Variants in CEP152 observed in about 807,000 individuals in gnomAD.
CEP152 encodes the protein centrosomal protein of 152 kDa.
In CEP152, 132 loss-of-function variants were observed where a neutral mutation model predicts 188.9. The ratio of observed to expected loss-of-function variants is 0.70; its 90% confidence interval spans 0.61 to 0.81. The LOEUF (loss-of-function observed/expected upper bound fraction) is 0.81. Among genes scored for constraint, CEP152 ranks in the 30% least tolerant of loss-of-function variants. CEP152 has a pLI of 0.00. For missense variants in CEP152, 1,914 were observed against 1,969.8 expected, an observed-to-expected ratio of 0.97 and a Z score of 0.54; for synonymous variants, 649 against 666.6, an observed-to-expected ratio of 0.97 and a Z score of 0.41.
intron 1 of CEP152, among the ~76,000 whole-genome samples, chr15:48,807,082 G>A (rs528581633): frequency 2.0e-5 from 3 of 152,074 alleles, no homozygotes; most frequent in African/African-American, 4.8e-5. Context: ...CACCCAACCC[G>A]TCCCTTTAAA....
intron 17 of CEP152, among the ~76,000 whole-genome samples, chr15:48,766,062 C>A (rs1213895498): frequency 6.6e-6 from 1 of 152,112 alleles, no homozygotes. Flanking sequence ...GATCCTTTCT[C>A]ACTTTTATAC....
chr15:48,762,670 G>A lies in CEP152; in HGVS notation c.2283C>T (p.Ile761=), dbSNP rs749958846. The A allele has an allele frequency of 6.2e-7, 1 of 1,613,024 alleles. No homozygotes were observed. The highest frequency in any genetic ancestry group is 8.5e-7 in the Non-Finnish European group (1 of 1,179,830). Reference sequence around the variant, plus strand: ...CAAGCTGTTGAATGAGTTTTTCTTTGATCTGTTTTCAGAAGAAAAATCATA... The same window carrying A: ...CAAGCTGTTGAATGAGTTTTTCTTTAATCTGTTTTCAGAAGAAAAATCATA... ...TEKEQQTQEK[I]KEKLIQQLEK... The change falls in exon 18 of 27, where the codon ATC becomes ATT. Residue 761 remains isoleucine (I), a splice_region_variant and synonymous_variant. Transcript: ENST00000380950.
chr15:48,758,735 A>AAAAAAAAAC (rs1894460330), intron 19 of CEP152, among the ~76,000 whole-genome samples: 1 of 151,168 alleles, frequency 6.6e-6, no homozygotes, highest in African/African-American at 2.4e-5. Flanking sequence ...AAAAAAAAAA[A>AAAAAAAAAC]AAGGCAAATT....
rs1250394470 is a variant in CEP152, at chr15:48,756,045, T to G, written c.3203A>C (p.Lys1068Thr). The G allele has an allele frequency of 6.2e-7, 1 of 1,614,124 alleles. No individual in the cohort carries two copies. The highest frequency in any genetic ancestry group is 1.7e-5 in the Admixed American group (1 of 60,012). The change falls in exon 20 of 27, where the codon AAG (lysine) becomes ACG (threonine). Residue 1068 changes from lysine to threonine, a missense_variant. Coordinates refer to ENST00000380950, the MANE Select transcript of CEP152 (RefSeq NM_001194998.2). ...QKEHISDSEDKQLLEIMSTCS... is the reference protein window; with the variant it reads ...QKEHISDSEDTQLLEIMSTCS... The stretch of plus-strand genomic sequence containing the variant: ...AGTCGACATGATTTCCAAAAGCTGC[T>G]TGTCCTCAGAATCACTGATGTGCTC...
At position 48,738,366 on chromosome 15, in the gene CEP152, T is replaced by G; in HGVS notation, c.5016A>C (p.Lys1672Asn). Residue 1672 changes from lysine to asparagine, a missense_variant, in exon 27 of 27, where the codon AAA becomes AAC. Physicochemically the swap from Lys to Asn is moderately conservative, Grantham distance 94 (BLOSUM62 0). Transcript: ENST00000380950. The stretch of plus-strand genomic sequence containing the variant: ...AAGATGGTAATGTACTGCTCAGTTT[T>G]TTGAAATCTGACTTTAATCTATCAG... ...HKADRLKSDF[K>N]KLSSTLPSSV... is the part of the protein sequence containing the mutation. The G allele has an allele frequency of 1.2e-6, 2 of 1,614,202 alleles. No homozygotes were observed. The highest frequency in any genetic ancestry group is 1.7e-6 in the Non-Finnish European group (2 of 1,180,016).
In CEP152 at chr15:48,744,937, ATTC is replaced by A. The variant is rs774512101; in HGVS notation, c.3687_3689del (p.Lys1229del). The A allele has an allele frequency of 1.2e-6, 2 of 1,611,046 alleles. No homozygotes were observed. Among genetic ancestry groups the A allele is most frequent in the East Asian group, 4.5e-5 (2 of 44,682 alleles). Reference sequence around the variant, plus strand: ...AAAGTGTTTGCAATTCTTCCAATTTATTCTTCATGTCGTTGTTTTCTTCTATTA... The same window carrying A: ...AAAGTGTTTGCAATTCTTCCAATTTATTCATGTCGTTGTTTTCTTCTATTA... On this transcript the variant is annotated inframe_deletion, in exon 23 of 27. Transcript: ENST00000380950.
At chr15:48,777,767 T>G (rs1165469874) in intron 12 of CEP152, among the ~76,000 whole-genome samples, 1 of 152,186 alleles carries the variant, frequency 6.6e-6, no homozygotes, top group South Asian at 2.1e-4. Flanking sequence ...TTAAGCAGAA[T>G]GATTATTTTG....
At chr15:48,783,728 A>T (rs1896424775) in intron 10 of CEP152, among the ~76,000 whole-genome samples, 1 of 149,514 alleles carries the variant, frequency 6.7e-6, no homozygotes, top group Admixed American at 6.7e-5. Flanking sequence ...AAATTATTTA[A>T]TAAAAACAAA....
intron 21 of CEP152, 83 bp downstream of exon 21, chr15:48,752,266 T>G: frequency 6.2e-7 from 1 of 1,609,950 alleles, no homozygotes; most frequent in African/African-American, 1.3e-5. Flanking sequence ...TTCACATCTA[T>G]GATCTCCTTT....
intron 22 of CEP152, among the ~76,000 whole-genome samples, chr15:48,745,421 A>T (rs1893331461): frequency 6.6e-6 from 1 of 151,536 alleles, no homozygotes; most frequent in Admixed American, 6.6e-5. Context: ...TCTTTTTCAG[A>T]AATAATGTAA....
intron 17 of CEP152, 126 bp from the exon 18 acceptor site, chr15:48,762,798 T>A: frequency 1.1e-6 from 1 of 921,036 alleles, no homozygotes; most frequent in South Asian, 1.6e-5. Context: ...TTGTAGTAAT[T>A]ATAAAAGGTT....
At chr15:48,801,377 T>C (rs1595702185) in intron 2 of CEP152, among the ~76,000 whole-genome samples, 1 of 152,336 alleles carries the variant, frequency 6.6e-6, no homozygotes, top group East Asian at 1.9e-4. Flanking sequence ...CTGAGCTCAA[T>C]GGAGCTTTAT....
chr15:48,744,629 T>A (rs1378565495), intron 23 of CEP152, among the ~76,000 whole-genome samples: 2 of 152,168 alleles, frequency 1.3e-5, no homozygotes, highest in Non-Finnish European at 2.9e-5. Flanking sequence ...GCTTATCTAG[T>A]AATATTAATA....
downstream of CEP152, among the ~76,000 whole-genome samples, chr15:48,736,118 T>C (rs151196717): frequency 4.0e-3 from 609 of 152,272 alleles, 1 homozygote; most frequent in African/African-American, 0.014. Flanking sequence ...AATAGCTCTA[T>C]AACAAGAAAA....
chr15:48,789,217 G>T, intron 8 of CEP152: 3 of 587,586 alleles, frequency 5.1e-6, no homozygotes, highest in East Asian at 5.8e-5. Flanking sequence ...TGTTCCCTGA[G>T]AAAATACATT....
Position 48,789,006 on chromosome 15 carries a change from T to C in CEP152, c.973-5A>G, listed in dbSNP as rs1436678683. 1.9e-6 allele frequency: 3 copies of C among 1,612,346 alleles called. No homozygotes were observed. Among genetic ancestry groups the C allele is most frequent in the Non-Finnish European group, 2.5e-6 (3 of 1,178,462 alleles). ...TGTTCTGGACTTCTTGATCATCTAGTAAATACACACAGGATATCCATGTTT... is the reference window on the plus strand; with the variant it reads ...TGTTCTGGACTTCTTGATCATCTAGCAAATACACACAGGATATCCATGTTT... On this transcript the variant is annotated splice_region_variant and splice_polypyrimidine_tract_variant and intron_variant, in intron 8 of 26. Coordinates refer to ENST00000380950, the MANE Select transcript of CEP152 (RefSeq NM_001194998.2).
intron 13 of CEP152, among the ~76,000 whole-genome samples, chr15:48,769,289 T>C (rs1178999730): frequency 1.3e-5 from 2 of 152,232 alleles, no homozygotes; most frequent in Non-Finnish European, 1.5e-5. Context: ...ACAGACCTTA[T>C]ACAAATGTCT....
chr15:48,742,217 T>G, intron 24 of CEP152, 117 bp from the exon 25 acceptor site: 4 of 920,460 alleles, frequency 4.3e-6, no homozygotes, highest in Non-Finnish European at 7.1e-6. Context: ...AAGTATAGTT[T>G]AAACATTATA....
intron 6 of CEP152, among the ~76,000 whole-genome samples, chr15:48,795,647 T>A (rs996284855): frequency 6.6e-6 from 1 of 152,180 alleles, no homozygotes; most frequent in African/African-American, 2.4e-5. Flanking sequence ...GTCTTTTAAC[T>A]TTTCATTACG....
Sources: gnomAD v4.1 joint callset for allele counts (sites outside exome capture counted in the v4.1 genomes callset) on GRCh38, gnomAD v4.1.1 for gene constraint, MANE v1.5 for transcripts, NCBI Gene and HGNC (gene_info 2026-07-23, HGNC 2026-07-21) for gene names.